Variants in PHF24 observed in about 807,000 individuals in gnomAD.
The protein encoded by PHF24 is Galpha inhibitory interacting protein.
A neutral mutation model predicts 42.6 loss-of-function variants in PHF24; 25 were observed. That is an observed-to-expected ratio of 0.59 (90% CI 0.43 to 0.82). PHF24 has a LOEUF of 0.82. Among genes scored for constraint, PHF24 ranks in the 40% least tolerant of loss-of-function variants. PHF24 has a pLI of 0.00. For synonymous variants in PHF24, 185 were observed against 204.8 expected (o/e 0.90, Z 0.83); for missense variants, 470 against 538.1 (o/e 0.87, Z 1.25).
At chr9:34,699,290 C>G in the PHF24 span, among the ~76,000 whole-genome samples, 1 of 152,204 alleles carries the variant, frequency 6.6e-6, no homozygotes, top group Non-Finnish European at 1.5e-5. Flanking sequence ...GTAAGGTATG[C>G]TGGCATTAGC....
the PHF24 span, among the ~76,000 whole-genome samples, chr9:34,808,366 G>A: frequency 6.6e-6 from 1 of 152,142 alleles, no homozygotes; most frequent in Non-Finnish European, 1.5e-5. Flanking sequence ...AGAGGCTGAG[G>A]GAGGAGGATT....
At chr9:34,778,468 T>G in the PHF24 span, among the ~76,000 whole-genome samples, 1 of 152,122 alleles carries the variant, frequency 6.6e-6, no homozygotes, top group South Asian at 2.1e-4. Context: ...AGAGCTACAG[T>G]GGGTTATACT....
chr9:34,804,680 T>A, the PHF24 span, among the ~76,000 whole-genome samples: 1 of 151,480 alleles, frequency 6.6e-6, no homozygotes, highest in Non-Finnish European at 1.5e-5. Context: ...TCTCTCTGAC[T>A]CCAGAATCCA....
chr9:34,771,768 G>A, the PHF24 span, among the ~76,000 whole-genome samples: 10 of 152,060 alleles, frequency 6.6e-5, no homozygotes, highest in South Asian at 2.1e-4. Context: ...TAACAGCTGC[G>A]GTGTTAGGAA....
the PHF24 span, among the ~76,000 whole-genome samples, chr9:34,775,695 T>C: frequency 6.6e-6 from 1 of 152,226 alleles, no homozygotes; most frequent in Non-Finnish European, 1.5e-5. Flanking sequence ...CTAATCCTTG[T>C]TTCCCAAAGG....
chr9:34,889,261 T>C, the PHF24 span: 1 of 398,656 alleles, frequency 2.5e-6, no homozygotes, highest in Non-Finnish European at 4.4e-6. Flanking sequence ...ATTTCCTGGT[T>C]GAGTGGCACA....
chr9:34,667,793 CAGAG>C, the PHF24 span, among the ~76,000 whole-genome samples: 1 of 152,144 alleles, frequency 6.6e-6, no homozygotes, highest in Non-Finnish European at 1.5e-5. Context: ...AATCTGGAGT[CAGAG>C]AGAATGGAGC....
chr9:34,850,322 A>C, the PHF24 span, among the ~76,000 whole-genome samples: 3 of 151,712 alleles, frequency 2.0e-5, no homozygotes, highest in Non-Finnish European at 4.4e-5. Context: ...TTTTTCTCTA[A>C]ACTTCCCTTC....
chr9:34,667,350 G>T, the PHF24 span, among the ~76,000 whole-genome samples: 1 of 152,136 alleles, frequency 6.6e-6, no homozygotes, highest in Non-Finnish European at 1.5e-5. Context: ...GTCTTCCCTT[G>T]TCTGAGCCAC....
chr9:34,816,733 G>A, the PHF24 span, among the ~76,000 whole-genome samples: 1 of 152,162 alleles, frequency 6.6e-6, no homozygotes, highest in Non-Finnish European at 1.5e-5. Flanking sequence ...AATGGATTTT[G>A]GAGAGACACA....
chr9:34,756,296 G>C, the PHF24 span, among the ~76,000 whole-genome samples: 1 of 151,972 alleles, frequency 6.6e-6, no homozygotes, highest in African/African-American at 2.4e-5. Flanking sequence ...ATGGGGTTTT[G>C]CCATGTTGGT....
chr9:34,911,713 T>A, the PHF24 span, among the ~76,000 whole-genome samples: 7 of 146,906 alleles, frequency 4.8e-5, no homozygotes, highest in African/African-American at 1.5e-4. Flanking sequence ...ATTTAAGATT[T>A]AAAAAAAAAA....
At chr9:34,688,397 T>C in the PHF24 span, among the ~76,000 whole-genome samples, 3 of 152,314 alleles carry the variant, frequency 2.0e-5, no homozygotes, top group Admixed American at 6.5e-5. Flanking sequence ...AGAGAAGCCC[T>C]GTGGGATGCT....
At chr9:34,913,254 T>G in the PHF24 span, among the ~76,000 whole-genome samples, 1 of 152,158 alleles carries the variant, frequency 6.6e-6, no homozygotes, top group Non-Finnish European at 1.5e-5. Context: ...GAGAAAAAGA[T>G]TGGTGTAGAA....
At chr9:34,680,983 A>C in the PHF24 span, 4 of 152,244 alleles carry the variant, frequency 2.6e-5, no homozygotes, top group Non-Finnish European at 4.4e-5. Flanking sequence ...TCAAGACGTT[A>C]GGTATGGCTG....
upstream of PHF24, among the ~76,000 whole-genome samples, chr9:34,956,011 C>T (rs1476115857): frequency 6.6e-6 from 1 of 152,154 alleles, no homozygotes; most frequent in Non-Finnish European, 1.5e-5. Flanking sequence ...TTTAAATGGT[C>T]ATTATGCATT....
chr9:34,739,088 G>A, the PHF24 span, among the ~76,000 whole-genome samples: 1 of 152,100 alleles, frequency 6.6e-6, no homozygotes, highest in African/African-American at 2.4e-5. Flanking sequence ...CATTCAAGTT[G>A]CAGTTTTCTA....
At chr9:34,774,432 A>T in the PHF24 span, among the ~76,000 whole-genome samples, 1 of 152,156 alleles carries the variant, frequency 6.6e-6, no homozygotes, top group African/African-American at 2.4e-5. Context: ...CAATGTGAAC[A>T]TGGGAAAAAG....
chr9:34,718,533 G>C, the PHF24 span, among the ~76,000 whole-genome samples: 3 of 152,214 alleles, frequency 2.0e-5, no homozygotes, highest in Non-Finnish European at 1.5e-5. Context: ...TCCCTGCAGA[G>C]GACACAGGGG....
Sources: allele counts gnomAD v4.1 joint callset (sites outside exome capture counted in the v4.1 genomes callset), GRCh38; gene constraint gnomAD v4.1.1; transcripts MANE v1.5; gene names NCBI Gene and HGNC (gene_info 2026-07-23, HGNC 2026-07-21).